Variants in CD1B observed in about 807,000 individuals in gnomAD.
CD1B encodes T-cell surface glycoprotein CD1b.
In CD1B, 43 loss-of-function variants were observed where a neutral mutation model predicts 39.8. The observed-to-expected ratio is 1.08, with a 90% confidence interval of 0.85 to 1.39. The LOEUF (loss-of-function observed/expected upper bound fraction) is 1.39. Ranked by LOEUF, CD1B falls within the 40% of genes most tolerant of loss-of-function variation. CD1B has a pLI of 0.00. For missense variants in CD1B, 495 were observed against 403.8 expected, an observed-to-expected ratio of 1.23 and a Z score of -1.94; for synonymous variants, 192 against 152.5, an observed-to-expected ratio of 1.26 and a Z score of -1.91.
the CD1B span, among the ~76,000 whole-genome samples, chr1:158,316,643 C>T: frequency 6.6e-6 from 1 of 150,774 alleles, no homozygotes; most frequent in East Asian, 1.9e-4. Flanking sequence ...ATTGAATACC[C>T]TTTATTTCCT....
chr1:158,302,102 C>T, the CD1B span, among the ~76,000 whole-genome samples: 1 of 152,034 alleles, frequency 6.6e-6, no homozygotes. Context: ...ACTCTTGCAC[C>T]ACAGCACAAC....
chr1:158,329,238 T>C, intron 4 of CD1B, 132 bp downstream of exon 4: 11 of 1,208,022 alleles, frequency 9.1e-6, no homozygotes, highest in Non-Finnish European at 1.3e-5. Context: ...CCTGTTGGGA[T>C]TGGGGTCAGG....
the CD1B span, among the ~76,000 whole-genome samples, chr1:158,319,070 G>A: frequency 2.6e-5 from 4 of 151,416 alleles, no homozygotes; most frequent in South Asian, 2.1e-4. Context: ...AGGGTAACCC[G>A]ACCTTTCTCT....
At chr1:158,304,659 C>T in the CD1B span, among the ~76,000 whole-genome samples, 1 of 152,164 alleles carries the variant, frequency 6.6e-6, no homozygotes, top group African/African-American at 2.4e-5. Context: ...GTCACTGATG[C>T]CCAAGTAGCC....
chr1:158,301,286 T>C, the CD1B span, among the ~76,000 whole-genome samples: 1 of 152,180 alleles, frequency 6.6e-6, no homozygotes, highest in Non-Finnish European at 1.5e-5. Context: ...TTTAGCTCAT[T>C]TATATTTAAG....
At chr1:158,308,242 A>G in the CD1B span, among the ~76,000 whole-genome samples, 20 of 152,094 alleles carry the variant, frequency 1.3e-4, no homozygotes, top group Admixed American at 3.9e-4. Context: ...TTGCTTCAAA[A>G]AGAATAAAAT....
At chr1:158,326,786 A>AATTATTATTATTATT (rs374291885), downstream of CD1B, among the ~76,000 whole-genome samples, 144 of 149,642 alleles carry the variant, frequency 9.6e-4, no homozygotes, top group African/African-American at 3.3e-3. Context: ...GCACATATAA[A>AATTATTATTATTATT]ATTATTATTA....
the CD1B span, among the ~76,000 whole-genome samples, chr1:158,298,393 G>A: frequency 7.0e-4 from 106 of 152,248 alleles, no homozygotes; most frequent in Non-Finnish European, 1.3e-3. Context: ...TGACCAAATG[G>A]ACCTAATAAA....
At chr1:158,292,684 G>C in the CD1B span, 1 of 1,614,064 alleles carries the variant, frequency 6.2e-7, no homozygotes, top group Non-Finnish European at 8.5e-7. Flanking sequence ...TCTACCCAAA[G>C]CCTGTTTGGG....
chr1:158,291,525 C>A, the CD1B span: 3 of 941,414 alleles, frequency 3.2e-6, no homozygotes, highest in South Asian at 1.6e-5. Context: ...ATAGATGAAC[C>A]TTTTAAGGGA....
the CD1B span, among the ~76,000 whole-genome samples, chr1:158,311,107 A>G: frequency 6.6e-6 from 1 of 152,182 alleles, no homozygotes; most frequent in Non-Finnish European, 1.5e-5. Context: ...TTTAATGGGT[A>G]TGTAGTATAT....
chr1:158,322,406 A>AT, the CD1B span, among the ~76,000 whole-genome samples: 62 of 137,978 alleles, frequency 4.5e-4, no homozygotes, highest in Non-Finnish European at 8.8e-4. Context: ...CTGGCTATTT[A>AT]TTTTTTTTCT....
At chr1:158,304,107 G>A in the CD1B span, among the ~76,000 whole-genome samples, 2 of 152,074 alleles carry the variant, frequency 1.3e-5, no homozygotes, top group Non-Finnish European at 2.9e-5. Context: ...GACAGTGGGT[G>A]CAGTTCACCC....
chr1:158,292,610 TGG>T, the CD1B span: 2 of 1,612,660 alleles, frequency 1.2e-6, no homozygotes, highest in Non-Finnish European at 1.7e-6. Flanking sequence ...GCCAGAAGCC[TGG>T]CTGTCCAGTC....
At chr1:158,318,682 A>T in the CD1B span, among the ~76,000 whole-genome samples, 2 of 152,186 alleles carry the variant, frequency 1.3e-5, no homozygotes, top group Non-Finnish European at 2.9e-5. Context: ...TAATATTGTT[A>T]TGTGTGAATT....
the CD1B span, among the ~76,000 whole-genome samples, chr1:158,319,118 T>C: frequency 3.3e-5 from 5 of 151,302 alleles, no homozygotes; most frequent in African/African-American, 1.2e-4. Context: ...ATTTCAACTT[T>C]GGTGAATCTG....
the CD1B span, among the ~76,000 whole-genome samples, chr1:158,295,561 G>T: frequency 1.3e-5 from 2 of 152,126 alleles, no homozygotes; most frequent in Non-Finnish European, 2.9e-5. Flanking sequence ...GCATGGTTAG[G>T]GATGTCCATT....
the CD1B span, among the ~76,000 whole-genome samples, chr1:158,294,131 C>A: frequency 1.3e-5 from 2 of 152,114 alleles, no homozygotes; most frequent in Non-Finnish European, 2.9e-5. Flanking sequence ...TGCAAATAGA[C>A]AGAGAGTGTG....
At chr1:158,291,948 A>G in the CD1B span, 1 of 828,606 alleles carries the variant, frequency 1.2e-6, no homozygotes. Context: ...CTTGTTTCTG[A>G]TCAAATATGT....
Sources: allele counts gnomAD v4.1 joint callset (sites outside exome capture counted in the v4.1 genomes callset), GRCh38; gene constraint gnomAD v4.1.1; transcripts MANE v1.5; gene names NCBI Gene and HGNC (gene_info 2026-07-23, HGNC 2026-07-21).